Variants in ABL1 observed in about 807,000 individuals in gnomAD.
The protein encoded by ABL1 is ABL proto-oncogene 1, non-receptor tyrosine kinase, also known as tyrosine-protein kinase ABL1.
A neutral mutation model predicts 94.7 loss-of-function variants in ABL1; 11 were observed. That is an observed-to-expected ratio of 0.12 (90% CI 0.07 to 0.19). ABL1 has a LOEUF of 0.19. Ranked by LOEUF, ABL1 falls within the 10% of genes least tolerant of loss-of-function variation. The pLI is 1.00. For missense variants in ABL1, 1,082 were observed against 1,489.4 expected (o/e 0.73, Z 4.50); for synonymous variants, 656 against 622.4 (o/e 1.05, Z -0.80).
intron 1 of ABL1, among the ~76,000 whole-genome samples, chr9:130,799,300 G>A (rs531408559): frequency 1.3e-5 from 2 of 152,190 alleles, no homozygotes; most frequent in Admixed American, 6.5e-5. Flanking sequence ...GTGTGACCAC[G>A]AAAGGGCCAT....
rs755180723 is a variant in ABL1, at chr9:130,880,187, T to C, written c.1513+30T>C. 2.6e-5 allele frequency: 41 copies of C among 1,605,868 alleles called. No individual in the cohort carries two copies. The South Asian group carries it at 4.2e-4, about 16-fold the overall frequency. Reference sequence around the variant, plus strand: ...AGTACCCATCCCGGGGTACCTGCAGTGGGGTGAAAGGGCAGCCATGTGGGA... The same window carrying C: ...AGTACCCATCCCGGGGTACCTGCAGCGGGGTGAAAGGGCAGCCATGTGGGA... On this transcript the variant is annotated intron_variant, in intron 9 of 10. Coordinates refer to ENST00000318560, the MANE Select transcript of ABL1 (RefSeq NM_005157.6). This position sits in a 1 kb window ranked among gnomAD's most constrained non-coding sequence, Gnocchi z 4.4.
intron 1 of ABL1, among the ~76,000 whole-genome samples, chr9:130,734,556 C>T (rs1451610774): frequency 6.7e-6 from 1 of 148,828 alleles, no homozygotes; most frequent in African/African-American, 2.5e-5. Context: ...GGGTCTCACT[C>T]CGTCACCCAG....
At chr9:130,771,139 T>TG (rs1832246030) in intron 1 of ABL1, among the ~76,000 whole-genome samples, 1 of 152,246 alleles carries the variant, frequency 6.6e-6, no homozygotes, top group Admixed American at 6.5e-5. Context: ...CACCACATGG[T>TG]GGTGCTCCCT....
intron 1 of ABL1, among the ~76,000 whole-genome samples, chr9:130,815,932 C>T (rs1830280130): frequency 6.6e-6 from 1 of 152,160 alleles, no homozygotes; most frequent in South Asian, 2.1e-4. Flanking sequence ...GCAAGAGAAT[C>T]GCCTGAACCC....
rs142783628 is a variant in ABL1 at position 130,735,797 on chromosome 9, C to T, written c.136+21342C>T. ...AGCTGTGGGAGAGATTCCTAAAAGT[C>T]GGGGCACTGGGTTTAAGGGTACATG... On this transcript the variant is annotated intron_variant, in intron 1 of 10. Coordinates refer to the ABL1 transcript ENST00000372348. 8.1e-3 allele frequency among the ~76,000 whole-genome samples: 1,220 copies of T among 151,216 alleles called. 14 individuals are homozygous for T. The highest frequency in any genetic ancestry group is 0.028 in the African/African-American group (1,133 of 41,194).
chr9:130,808,843 A>G (rs1017392251), intron 1 of ABL1, among the ~76,000 whole-genome samples: 6 of 152,222 alleles, frequency 3.9e-5, no homozygotes, highest in African/African-American at 1.2e-4. Flanking sequence ...AATGGGGCTC[A>G]GATTTACCCT....
At chr9:130,826,490 GA>G (rs1254570251) in intron 1 of ABL1, among the ~76,000 whole-genome samples, 2 of 152,166 alleles carry the variant, frequency 1.3e-5, no homozygotes, top group African/African-American at 4.8e-5. Context: ...GACAGTAGGG[GA>G]TAAGAAAGGC....
In ABL1 at chr9:130,884,900, C is replaced by T. The variant is rs751144301; in HGVS notation, c.2610C>T (p.Ala870=). ...CAGGGGGCACCAGCAAGGGCCCCGC[C>T]GAGGAGTCCAGAGTGAGGAGGCACA... ...GAPGGTSKGP[A]EESRVRRHKH... The change falls in exon 11 of 11, where the codon GCC becomes GCT. Residue 870 remains alanine, a synonymous_variant. Transcript: ENST00000318560. This position sits in a 1 kb window ranked among gnomAD's most constrained non-coding sequence, Gnocchi z 5.6. 7.5e-6 allele frequency: 12 copies of T among 1,609,920 alleles called. No homozygotes were observed. The highest frequency in any genetic ancestry group is 3.3e-5 in the South Asian group (3 of 90,684).
chr9:130,806,331 T>TAA (rs773934982), intron 1 of ABL1, among the ~76,000 whole-genome samples: 59 of 152,326 alleles, frequency 3.9e-4, no homozygotes, highest in South Asian at 8.3e-4. Flanking sequence ...GCAAAAAGAC[T>TAA]AAAGCTGTTG....
intron 1 of ABL1, among the ~76,000 whole-genome samples, chr9:130,739,074 A>G (rs748742586): frequency 3.9e-5 from 6 of 152,088 alleles, no homozygotes; most frequent in Non-Finnish European, 7.4e-5. Context: ...TATTTTTTTT[A>G]GTAGAGACGT....
At position 130,880,401 on chromosome 9, in the gene ABL1, G is replaced by A. The variant is rs1320301349; in HGVS notation, c.1514-99G>A. 8.5e-6 allele frequency: 12 copies of A among 1,414,898 alleles called. No homozygotes were observed. Among genetic ancestry groups the A allele is most frequent in the East Asian group, 2.3e-5 (1 of 43,582 alleles). 87.6% of individuals were successfully genotyped at this position (1,414,898 alleles called of 1,614,324 possible). On this transcript the variant is annotated intron_variant, in intron 9 of 10. Coordinates refer to ENST00000318560, the MANE Select transcript of ABL1 (RefSeq NM_005157.6). This position sits in a 1 kb window ranked among gnomAD's most constrained non-coding sequence, Gnocchi z 4.4. ...GCCTTTTCTTTAGTTGTATGCAGATGAGCACTGTTACCTTACAAAGAAAGA... is the reference window on the plus strand; with the variant it reads ...GCCTTTTCTTTAGTTGTATGCAGATAAGCACTGTTACCTTACAAAGAAAGA...
chr9:130,826,223 C>T (rs1471722478), intron 1 of ABL1, among the ~76,000 whole-genome samples: 3 of 151,870 alleles, frequency 2.0e-5, no homozygotes, highest in Non-Finnish European at 4.4e-5. Flanking sequence ...TGGGTTCAGG[C>T]GATTCTCCTG....
intron 1 of ABL1, among the ~76,000 whole-genome samples, chr9:130,748,669 G>A (rs1225927636): frequency 1.3e-5 from 2 of 151,734 alleles, no homozygotes; most frequent in Non-Finnish European, 2.9e-5. Context: ...TTCGCCTCCC[G>A]GGTTCAAGCA....
intron 10 of ABL1, among the ~76,000 whole-genome samples, chr9:130,883,155 T>C (rs909671602): frequency 2.0e-5 from 3 of 152,116 alleles, no homozygotes; most frequent in African/African-American, 7.2e-5. Flanking sequence ...GTGAAGCACG[T>C]GTCACGCTTC....
chr9:130,724,891 T>C (rs1384089001), intron 1 of ABL1: 2 of 415,282 alleles, frequency 4.8e-6, no homozygotes, highest in Admixed American at 2.6e-5. Flanking sequence ...TTTAGTCTTT[T>C]AGCCTTGGCA....
In ABL1 at chr9:130,875,244, C is replaced by T. The variant is rs35572180; in HGVS notation, c.1270+192C>T. ...GCAGCCTCTCCCTCCCGGGTTCAAG[C>T]GATTCTCCTGTCTCAGCATCTTGAG... is the stretch of plus-strand genomic sequence containing the variant. On this transcript the variant is annotated intron_variant, in intron 7 of 10. Coordinates refer to ENST00000318560, the MANE Select transcript of ABL1 (RefSeq NM_005157.6). Among the ~76,000 whole-genome samples the T allele has an allele frequency of 0.019, 2,889 of 152,182 alleles. 215 individuals are homozygous for T. The East Asian group carries it at 0.26, about 14-fold the overall frequency.
chr9:130,729,387 C>A (rs1464978087), intron 1 of ABL1, among the ~76,000 whole-genome samples: 1 of 152,168 alleles, frequency 6.6e-6, no homozygotes, highest in Non-Finnish European at 1.5e-5. Context: ...CACCCATGCC[C>A]TCATCTTCTC....
Position 130,872,760 on chromosome 9 carries a change from G to A in ABL1, c.908-100G>A, listed in dbSNP as rs1263661192. ...GTTGGAAGTTGGGCCCAGGACTGAG[G>A]AGCAGAGTCAGAATCCTTCAGAAGG... On this transcript the variant is annotated intron_variant, in intron 5 of 10. Transcript: ENST00000318560. The surrounding 1 kb of genome is among the most constrained non-coding windows in gnomAD (Gnocchi z 5.0). 1.6e-6 allele frequency: 2 copies of A among 1,280,064 alleles called. No individual in the cohort carries two copies. Among genetic ancestry groups the A allele is most frequent in the Non-Finnish European group, 2.2e-6 (2 of 919,146 alleles). 79.3% of individuals were successfully genotyped at this position (1,280,064 alleles called of 1,614,324 possible).
chr9:130,754,075 C>T (rs1281750609), intron 1 of ABL1, among the ~76,000 whole-genome samples: 4 of 150,512 alleles, frequency 2.7e-5, no homozygotes, highest in South Asian at 2.1e-4. Context: ...GGGGTAGTGG[C>T]GTTGCCTATA....
Sources: allele counts gnomAD v4.1 joint callset (sites outside exome capture counted in the v4.1 genomes callset), GRCh38; gene constraint gnomAD v4.1.1; non-coding constraint Gnocchi (gnomAD v3.1); transcripts MANE v1.5; gene names NCBI Gene and HGNC (gene_info 2026-07-23, HGNC 2026-07-21).